The following TBC1D19 variants were observed in gnomAD, a reference collection of about 807,000 sequenced individuals.
The protein encoded by TBC1D19 is TBC1 domain family, member 19.
In TBC1D19, 60 loss-of-function variants were observed where a neutral mutation model predicts 89.0. The ratio of observed to expected loss-of-function variants is 0.67; its 90% confidence interval spans 0.55 to 0.84. The LOEUF (loss-of-function observed/expected upper bound fraction) is 0.84. TBC1D19 is among the 40% of genes least tolerant of loss of function. The pLI, the probability that TBC1D19 is intolerant of heterozygous loss-of-function variation, is 0.00. For synonymous variants in TBC1D19, 189 were observed against 199.7 expected, an observed-to-expected ratio of 0.95 and a Z score of 0.45; for missense variants, 500 against 610.8, an observed-to-expected ratio of 0.82 and a Z score of 1.91.
chr4:26,649,876 C>A (rs145022664), intron 7 of TBC1D19, among the ~76,000 whole-genome samples: 1,928 of 152,180 alleles, frequency 0.013, 35 homozygotes, highest in African/African-American at 0.043. Flanking sequence ...CCCAACCCCA[C>A]AACAGGCCCC....
chr4:26,670,014 G>A (rs1205044184), intron 9 of TBC1D19, among the ~76,000 whole-genome samples: 1 of 151,596 alleles, frequency 6.6e-6, no homozygotes, highest in East Asian at 1.9e-4. Flanking sequence ...TGTCTCCAGT[G>A]CCTGTAATAT....
At chr4:26,762,830 G>A in the TBC1D19 span, among the ~76,000 whole-genome samples, 7 of 152,272 alleles carry the variant, frequency 4.6e-5, no homozygotes, top group Admixed American at 3.9e-4. Flanking sequence ...CTGGAGGAAA[G>A]GGCCATGAGC....
At position 26,638,843 on chromosome 4, in the gene TBC1D19, A is replaced by G; in HGVS notation, c.433+9A>G. ...GGGAACTGATGAACCAGGTATGTGA[A>G]CAATTTTTTCTGAATGTAGTAGTGG... On this transcript the variant is annotated intron_variant, in intron 6 of 20. Transcript: ENST00000264866. 6.2e-7 allele frequency: 1 copy of G among 1,600,894 alleles called. No homozygotes were observed. Among genetic ancestry groups the G allele is most frequent in the South Asian group, 1.1e-5 (1 of 87,822 alleles).
chr4:26,674,996 T>C (rs956969890), intron 11 of TBC1D19, among the ~76,000 whole-genome samples: 14 of 152,110 alleles, frequency 9.2e-5, no homozygotes, highest in African/African-American at 2.9e-4. Flanking sequence ...CTTGCTTCCT[T>C]TGTGAAACAA....
the TBC1D19 span, among the ~76,000 whole-genome samples, chr4:26,835,663 T>C: frequency 6.6e-6 from 1 of 152,196 alleles, no homozygotes; most frequent in Non-Finnish European, 1.5e-5. Context: ...TCTCAGCCAC[T>C]ATTCTTGATT....
chr4:26,777,294 C>G, the TBC1D19 span, among the ~76,000 whole-genome samples: 1 of 151,820 alleles, frequency 6.6e-6, no homozygotes, highest in Non-Finnish European at 1.5e-5. Flanking sequence ...GCCACCATGC[C>G]CCACTAATGT....
chr4:26,648,555 A>G (rs1435390312), intron 7 of TBC1D19, among the ~76,000 whole-genome samples: 4 of 152,202 alleles, frequency 2.6e-5, no homozygotes, highest in Non-Finnish European at 5.9e-5. Flanking sequence ...GCTTAGCACA[A>G]TCTGCTCAAT....
At chr4:26,694,625 TA>T (rs1490509240) in intron 13 of TBC1D19, among the ~76,000 whole-genome samples, 1 of 152,208 alleles carries the variant, frequency 6.6e-6, no homozygotes, top group Non-Finnish European at 1.5e-5. Flanking sequence ...CTGAGTAGCC[TA>T]ACTGGGAGTC....
At chr4:26,606,617 G>A (rs541203335) in intron 1 of TBC1D19, among the ~76,000 whole-genome samples, 1 of 152,238 alleles carries the variant, frequency 6.6e-6, no homozygotes, top group East Asian at 1.9e-4. Flanking sequence ...AAGTTAGAAA[G>A]GTAGAGTTTT....
At chr4:26,736,058 A>G (rs1348097944) in intron 16 of TBC1D19, among the ~76,000 whole-genome samples, 1 of 138,534 alleles carries the variant, frequency 7.2e-6, no homozygotes, top group Non-Finnish European at 1.6e-5. Context: ...ATATACCCAA[A>G]GGACTATAAA....
the TBC1D19 span, among the ~76,000 whole-genome samples, chr4:26,776,555 G>T: frequency 8.5e-5 from 13 of 152,062 alleles, no homozygotes; most frequent in Non-Finnish European, 1.9e-4. Flanking sequence ...TAATTATATT[G>T]AATACCCACC....
At chr4:26,853,894 A>T in the TBC1D19 span, among the ~76,000 whole-genome samples, 5 of 152,212 alleles carry the variant, frequency 3.3e-5, no homozygotes, top group Non-Finnish European at 5.9e-5. Context: ...TGCTCTGGGA[A>T]TGTGCTCATC....
At chr4:26,696,164 A>T (rs1404811963) in intron 13 of TBC1D19, among the ~76,000 whole-genome samples, 1 of 152,234 alleles carries the variant, frequency 6.6e-6, no homozygotes, top group Non-Finnish European at 1.5e-5. Context: ...ATGGAGGAAG[A>T]TCTACCAAGC....
At chr4:26,699,984 C>T (rs1417035290) in intron 13 of TBC1D19, among the ~76,000 whole-genome samples, 2 of 151,256 alleles carry the variant, frequency 1.3e-5, no homozygotes, top group African/African-American at 4.9e-5. Flanking sequence ...GCATGTTGTG[C>T]ACATGTACCC....
intron 1 of TBC1D19, among the ~76,000 whole-genome samples, chr4:26,593,941 A>C (rs908712278): frequency 6.6e-6 from 1 of 152,214 alleles, no homozygotes; most frequent in African/African-American, 2.4e-5. Flanking sequence ...GCGATTCCTC[A>C]GGGATCTAGA....
In TBC1D19 at chr4:26,627,575, T is replaced by C. The variant is rs1409117675; in HGVS notation, c.294+6887T>C. ...TGTTGTCTCCTGACTTTTTAATGAT[T>C]GCCATTCTAACTGGTGTGAGATGGT... On this transcript the variant is annotated intron_variant, in intron 4 of 20. Transcript: ENST00000264866. Among the ~76,000 whole-genome samples the C allele has an allele frequency of 2.0e-4, 31 of 152,052 alleles. 1 individual carries two copies. The South Asian group carries it at 3.9e-3, about 19-fold the overall frequency.
the TBC1D19 span, among the ~76,000 whole-genome samples, chr4:26,845,549 C>G: frequency 6.6e-6 from 1 of 152,200 alleles, no homozygotes; most frequent in African/African-American, 2.4e-5. Flanking sequence ...CCTCCCCTGA[C>G]CTTGGCAACC....
At chr4:26,614,521 C>A in intron 3 of TBC1D19, 68 bp downstream of exon 3, 5 of 1,094,262 alleles carry the variant, frequency 4.6e-6, no homozygotes, top group Non-Finnish European at 6.6e-6. Flanking sequence ...GTAATAAAAC[C>A]AGTATTGTTA....
At chr4:26,589,426 G>C (rs1044480438) in intron 1 of TBC1D19, among the ~76,000 whole-genome samples, 1 of 152,086 alleles carries the variant, frequency 6.6e-6, no homozygotes, top group African/African-American at 2.4e-5. Flanking sequence ...TGTTCCTCAG[G>C]GGGAGATCTC....
Sources: gnomAD v4.1 joint callset for allele counts (sites outside exome capture counted in the v4.1 genomes callset) on GRCh38, gnomAD v4.1.1 for gene constraint, MANE v1.5 for transcripts, NCBI Gene and HGNC (gene_info 2026-07-23, HGNC 2026-07-21) for gene names.